USP45: variants seen among roughly 807,000 people sequenced by gnomAD.
The protein encoded by USP45 is ubiquitin carboxyl-terminal hydrolase 45.
A neutral mutation model predicts 95.8 loss-of-function variants in USP45; 89 were observed. The ratio of observed to expected loss-of-function variants is 0.93; its 90% CI spans 0.78 to 1.11. The LOEUF (loss-of-function observed/expected upper bound fraction) is 1.11. USP45 is among the 50% of genes least tolerant of loss of function. The pLI, the probability that USP45 is intolerant of heterozygous loss-of-function variation, is 0.00. For missense variants in USP45, 898 were observed against 942.5 expected, an observed-to-expected ratio of 0.95 and a Z score of 0.62; for synonymous variants, 281 against 316.2, an observed-to-expected ratio of 0.89 and a Z score of 1.18.
At chr6:99,512,729 T>C (rs1407997417) in intron 1 of USP45, among the ~76,000 whole-genome samples, 1 of 152,194 alleles carries the variant, frequency 6.6e-6, no homozygotes, top group Non-Finnish European at 1.5e-5. Context: ...CTGAACTAAG[T>C]TGCAATAAAT....
chr6:99,442,890 G>A (rs1562300609), intron 15 of USP45, among the ~76,000 whole-genome samples: 1 of 151,440 alleles, frequency 6.6e-6, no homozygotes, highest in East Asian at 2.0e-4. Context: ...TTGTTTTCTT[G>A]ATAATTTGTT....
chr6:99,438,089 T>C (rs908169193), intron 16 of USP45, among the ~76,000 whole-genome samples: 5 of 152,240 alleles, frequency 3.3e-5, no homozygotes, highest in African/African-American at 9.6e-5. Flanking sequence ...ACACTATTAA[T>C]TGCAGGATTA....
At chr6:99,479,933 T>C (rs966749357) in intron 8 of USP45, among the ~76,000 whole-genome samples, 2 of 152,160 alleles carry the variant, frequency 1.3e-5, no homozygotes, top group Admixed American at 1.3e-4. Context: ...GAAAAAGATA[T>C]AAAATGATAC....
At chr6:99,511,641 T>A (rs1341705096) in intron 1 of USP45, among the ~76,000 whole-genome samples, 6 of 151,732 alleles carry the variant, frequency 4.0e-5, no homozygotes, top group Non-Finnish European at 8.8e-5. Context: ...TTAGTAGAGA[T>A]GGGATTTCCC....
chr6:99,433,494 G>A lies in USP45; in HGVS notation c.*2222C>T, dbSNP rs1471945181. The A allele has an allele frequency of 3.3e-5, 5 of 152,526 alleles. No homozygotes were observed. The highest frequency in any genetic ancestry group is 2.1e-4 in the South Asian group (1 of 4,828). 9.4% of individuals were successfully genotyped at this position (152,526 alleles called of 1,614,324 possible). A position where few individuals can be genotyped will look rare whatever the true frequency, so the allele number is the denominator to read the frequency against. ...AACAAAAATTTTAAGGTAGACCCAT[G>A]TGTAATTTAACATGCTTTCTCTGTT... On this transcript the variant is annotated 3_prime_UTR_variant, in exon 18 of 18. Transcript: ENST00000500704.
intron 5 of USP45, 104 bp from the exon 6 acceptor site, chr6:99,488,924 T>C: frequency 1.1e-6 from 1 of 884,754 alleles, no homozygotes; most frequent in Non-Finnish European, 1.6e-6. Flanking sequence ...TAAGATTATC[T>C]CCCTGAATCA....
chr6:99,446,557 C>A (rs1337353051), intron 13 of USP45, 94 bp from the exon 14 acceptor site: 5 of 1,159,500 alleles, frequency 4.3e-6, no homozygotes, highest in Non-Finnish European at 3.6e-6. Context: ...TTATTAAATA[C>A]CATTTCTCTC....
At chr6:99,500,412 C>T (rs1382766046) in intron 5 of USP45, among the ~76,000 whole-genome samples, 4 of 152,150 alleles carry the variant, frequency 2.6e-5, no homozygotes, top group South Asian at 2.1e-4. Flanking sequence ...CCTGAGCCAC[C>T]GTGCCCAACC....
At chr6:99,438,528 G>A (rs59964988) in intron 16 of USP45, among the ~76,000 whole-genome samples, 14,548 of 152,032 alleles carry the variant, frequency 0.096, 950 homozygotes, top group East Asian at 0.29. Flanking sequence ...AATTTTAAAA[G>A]AAATTCCAAA....
chr6:99,461,433 G>A (rs1418102162), intron 13 of USP45: 9 of 985,190 alleles, frequency 9.1e-6, no homozygotes, highest in East Asian at 1.1e-4. Flanking sequence ...CTCTGTTTAC[G>A]TATCTGCCTC....
At chr6:99,488,036 T>A (rs569709568) in intron 7 of USP45, among the ~76,000 whole-genome samples, 164 bp downstream of exon 7, 35 of 152,184 alleles carry the variant, frequency 2.3e-4, no homozygotes, top group African/African-American at 8.2e-4. Flanking sequence ...AAAGTTATGA[T>A]TTTAGAAATT....
rs557852877 is a variant in USP45, at chr6:99,495,968, G to A, written c.479-7148C>T. Among the ~76,000 whole-genome samples, 130 of 152,194 alleles carry A rather than the reference G, an allele frequency of 8.5e-4. 1 individual carries two copies. The highest frequency in any genetic ancestry group is 2.9e-3 in the African/African-American group (122 of 41,528). ...TAATTTTACTGTGTTTTGTAGTATCGATGAGGAACCCCAAATTAAAAACCC... is the reference window on the plus strand; with the variant it reads ...TAATTTTACTGTGTTTTGTAGTATCAATGAGGAACCCCAAATTAAAAACCC... On this transcript the variant is annotated intron_variant, in intron 5 of 17. Coordinates refer to ENST00000500704, the MANE Select transcript of USP45 (RefSeq NM_001346022.3).
chr6:99,452,946 A>G (rs1322762668), intron 13 of USP45, among the ~76,000 whole-genome samples: 2 of 152,118 alleles, frequency 1.3e-5, no homozygotes, highest in African/African-American at 4.8e-5. Context: ...CAAACACTGC[A>G]TGTTCTCACT....
At chr6:99,460,551 T>C (rs1157786640) in intron 13 of USP45, among the ~76,000 whole-genome samples, 2 of 152,188 alleles carry the variant, frequency 1.3e-5, no homozygotes, top group African/African-American at 2.4e-5. Flanking sequence ...CTCTGTATAA[T>C]ACCTTGAGCA....
chr6:99,459,279 C>T (rs550889453), intron 13 of USP45, among the ~76,000 whole-genome samples: 42 of 152,106 alleles, frequency 2.8e-4, no homozygotes, highest in Admixed American at 1.8e-3. Context: ...CGACAATGGC[C>T]TCCAGCTCCA....
intron 8 of USP45, among the ~76,000 whole-genome samples, chr6:99,482,037 A>G (rs1792557128): frequency 6.6e-6 from 1 of 152,206 alleles, no homozygotes; most frequent in South Asian, 2.1e-4. Flanking sequence ...TTTAATTAAA[A>G]TGAGATTTTA....
chr6:99,461,200 G>A (rs1471230428), intron 13 of USP45: 5 of 985,326 alleles, frequency 5.1e-6, no homozygotes, highest in Non-Finnish European at 6.0e-6. Context: ...AATGAGCTGA[G>A]GCAGGATTTT....
At chr6:99,487,736 A>C (rs1468510810) in intron 7 of USP45, among the ~76,000 whole-genome samples, 1 of 151,818 alleles carries the variant, frequency 6.6e-6, no homozygotes, top group Admixed American at 6.6e-5. Context: ...CGGAGCTTGC[A>C]GTGAGCTGAG....
rs1780175802 is a variant in USP45 at position 99,434,631 on chromosome 6, T to C, written c.*1085A>G. ...GCCAGCTTAATGCCCCATTAAAAGC[T>C]AAATTCACCTGAACTTATTAATGAT... On this transcript the variant is annotated 3_prime_UTR_variant, in exon 18 of 18. Transcript: ENST00000500704. The C allele has an allele frequency of 6.6e-6, 1 of 152,232 alleles. No individual in the cohort carries two copies. The highest frequency in any genetic ancestry group is 2.4e-5 in the African/African-American group (1 of 41,468). The allele number at this position is 152,232 out of a possible 1,614,324, so 9.4% of individuals were successfully genotyped here. A position where few individuals can be genotyped will look rare whatever the true frequency, so the allele number is the denominator to read the frequency against.
Sources: gnomAD v4.1 joint callset for allele counts (sites outside exome capture counted in the v4.1 genomes callset) on GRCh38, gnomAD v4.1.1 for gene constraint, MANE v1.5 for transcripts, NCBI Gene and HGNC (gene_info 2026-07-23, HGNC 2026-07-21) for gene names.